The following FAM161A variants were observed in gnomAD, a reference collection of about 807,000 sequenced individuals.
FAM161A encodes protein FAM161A.
In FAM161A, 57 loss-of-function variants were observed where a neutral mutation model predicts 70.9. That is an observed-to-expected ratio of 0.80 (90% CI 0.65 to 1.00). The LOEUF is 1.00. FAM161A is among the 50% of genes least tolerant of loss of function. FAM161A has a pLI of 0.00. For missense variants in FAM161A, 880 were observed against 836.0 expected (o/e 1.05, Z -0.65); for synonymous variants, 299 against 295.7 (o/e 1.01, Z -0.12).
the FAM161A span, among the ~76,000 whole-genome samples, chr2:61,800,978 G>A: frequency 3.8e-3 from 583 of 151,668 alleles, 2 homozygotes; most frequent in African/African-American, 0.013. Context: ...TAATTTTTGT[G>A]GAGACGAGGT....
At chr2:61,846,158 G>A (rs929919654) in intron 1 of FAM161A, among the ~76,000 whole-genome samples, 1 of 151,850 alleles carries the variant, frequency 6.6e-6, no homozygotes, top group South Asian at 2.1e-4. Flanking sequence ...GGGAAAGAAG[G>A]GGAAAGTACC....
chr2:61,816,192 A>T, the FAM161A span, among the ~76,000 whole-genome samples: 17 of 152,190 alleles, frequency 1.1e-4, no homozygotes, highest in Admixed American at 2.6e-4. Context: ...CATACTGAGG[A>T]TGCATTTGTT....
At chr2:61,852,020 C>G (rs1422248839) in intron 1 of FAM161A, among the ~76,000 whole-genome samples, 1 of 152,114 alleles carries the variant, frequency 6.6e-6, no homozygotes, top group African/African-American at 2.4e-5. Context: ...GAAAGCAGAG[C>G]CTATTTCCTG....
chr2:61,819,020 G>C, the FAM161A span, among the ~76,000 whole-genome samples: 26 of 152,276 alleles, frequency 1.7e-4, no homozygotes, highest in African/African-American at 5.3e-4. Context: ...AATTAGTTAG[G>C]TAGTATTCAT....
intron 1 of FAM161A, among the ~76,000 whole-genome samples, chr2:61,849,888 G>A (rs1190837411): frequency 7.1e-6 from 1 of 140,646 alleles, no homozygotes; most frequent in East Asian, 2.2e-4. Flanking sequence ...AATATCACAT[G>A]TTCTCATAAG....
At chr2:61,842,833 G>A (rs1673069541) in intron 1 of FAM161A, among the ~76,000 whole-genome samples, 1 of 152,178 alleles carries the variant, frequency 6.6e-6, no homozygotes, top group Non-Finnish European at 1.5e-5. Context: ...AGAGAAGGCA[G>A]GGAAATAGAG....
chr2:61,839,591 T>G lies in FAM161A; in HGVS notation c.1413A>C (p.Lys471Asn). 1 of 1,614,210 alleles carries G rather than the reference T, an allele frequency of 6.2e-7. No homozygotes were observed. Among genetic ancestry groups the G allele is most frequent in the Non-Finnish European group, 8.5e-7 (1 of 1,180,044 alleles). The change falls in exon 3 of 7, where the codon AAA becomes AAC. Residue 471 changes from lysine (K) to asparagine (N), a missense_variant. Coordinates refer to ENST00000404929, the MANE Select transcript of FAM161A (RefSeq NM_001201543.2). ...ASPHASIKRE[K>N]ILADIEADEE... ...CATCTGCTTCGATGTCTGCCAAAATTTTTTCTCTTTTAATAGATGCATGTG... is the reference window on the plus strand; with the variant it reads ...CATCTGCTTCGATGTCTGCCAAAATGTTTTCTCTTTTAATAGATGCATGTG...
At position 61,835,971 on chromosome 2, in the gene FAM161A, A is replaced by C. The variant is rs776254753; in HGVS notation, c.1851+39T>G. On this transcript the variant is annotated intron_variant, in intron 5 of 6. Coordinates refer to ENST00000404929, the MANE Select transcript of FAM161A (RefSeq NM_001201543.2). ...GAGCTAAAGCTGTAAAAAAAAAAAA[A>C]AAAACTGACGATAGCTCTTAAATTC... is the stretch of plus-strand genomic sequence containing the variant. 18 of 1,450,738 alleles carry C rather than the reference A, an allele frequency of 1.2e-5. No homozygotes were observed. In the East Asian group the frequency reaches 1.6e-4, roughly 13 times the overall value. The allele number at this position is 1,450,738 out of a possible 1,614,324, so 89.9% of individuals were successfully genotyped here.
chr2:61,816,453 T>A, the FAM161A span, among the ~76,000 whole-genome samples: 6 of 151,642 alleles, frequency 4.0e-5, no homozygotes, highest in Non-Finnish European at 7.4e-5. Context: ...AAACTGAGGG[T>A]TTTTTGTTTG....
chr2:61,806,678 G>GTTT, the FAM161A span, among the ~76,000 whole-genome samples: 6 of 80,058 alleles, frequency 7.5e-5, no homozygotes, highest in African/African-American at 1.7e-4. Context: ...TGCTTTCCAC[G>GTTT]TCTTTTTTTT....
the FAM161A span, among the ~76,000 whole-genome samples, chr2:61,815,870 C>T: frequency 6.6e-6 from 1 of 151,964 alleles, no homozygotes; most frequent in African/African-American, 2.4e-5. Context: ...ATGTTTTGTC[C>T]CTCCTTGTCC....
chr2:61,821,340 T>C (rs894723199), downstream of FAM161A, among the ~76,000 whole-genome samples: 1 of 152,124 alleles, frequency 6.6e-6, no homozygotes, highest in Admixed American at 6.5e-5. Flanking sequence ...CGTGAGCCAC[T>C]GCGCCCAGCT....
chr2:61,807,418 CT>C, the FAM161A span, among the ~76,000 whole-genome samples: 1 of 151,792 alleles, frequency 6.6e-6, no homozygotes, highest in Non-Finnish European at 1.5e-5. Flanking sequence ...TTGTGCTATG[CT>C]TTTGAAATTG....
At chr2:61,811,244 C>G in the FAM161A span, among the ~76,000 whole-genome samples, 1 of 152,202 alleles carries the variant, frequency 6.6e-6, no homozygotes, top group African/African-American at 2.4e-5. Context: ...GTCACCCAGA[C>G]AGGAGTGCAA....
At chr2:61,838,892 A>ATTTATTTATTTTTTTT (rs747578151) in intron 3 of FAM161A, among the ~76,000 whole-genome samples, 187 bp from the exon 4 acceptor site, 8 of 130,276 alleles carry the variant, frequency 6.1e-5, no homozygotes, top group African/African-American at 2.2e-4. Context: ...TTATTTATTT[A>ATTTATTTATTTTTTTT]TTTTTTTTGA....
chr2:61,836,423 G>A, intron 4 of FAM161A: 1 of 217,534 alleles, frequency 4.6e-6, no homozygotes, highest in Non-Finnish European at 9.1e-6. Context: ...ACTTCAAACT[G>A]CCCTGAAAAG....
the FAM161A span, among the ~76,000 whole-genome samples, chr2:61,809,409 G>A: frequency 6.6e-6 from 1 of 152,144 alleles, no homozygotes; most frequent in Admixed American, 6.5e-5. Context: ...CCCAAATTGA[G>A]TATCTCCAGT....
At chr2:61,833,485 G>C (rs530141067) in intron 5 of FAM161A, among the ~76,000 whole-genome samples, 8 of 151,208 alleles carry the variant, frequency 5.3e-5, no homozygotes, top group Non-Finnish European at 1.0e-4. Context: ...TGCTAACATT[G>C]TTTACTAAGT....
rs1204616825 is a variant in FAM161A, at chr2:61,853,714, G to C, written c.183+145C>G. 5.0e-6 allele frequency: 4 copies of C among 798,038 alleles called. No homozygotes were observed. The African/African-American group carries it at 5.3e-5, about 11-fold the overall frequency. 49.4% of individuals were successfully genotyped at this position (798,038 alleles called of 1,614,324 possible). On this transcript the variant is annotated intron_variant, in intron 1 of 6. Coordinates refer to ENST00000404929, the MANE Select transcript of FAM161A (RefSeq NM_001201543.2). The stretch of plus-strand genomic sequence containing the variant: ...GTAATTTTCGTGAGCGTAGAGAAGG[G>C]GCTGGGCCAGGACCACCAAGTAGGG...
Sources: allele counts gnomAD v4.1 joint callset (sites outside exome capture counted in the v4.1 genomes callset), GRCh38; gene constraint gnomAD v4.1.1; transcripts MANE v1.5; gene names NCBI Gene and HGNC (gene_info 2026-07-23, HGNC 2026-07-21).